Variants in LYPD6B observed in about 807,000 individuals in gnomAD.
LYPD6B encodes ly6/PLAUR domain-containing protein 6B.
LYPD6B carries 17 observed loss-of-function variants against 22.8 expected under a neutral mutation model. The observed-to-expected ratio is 0.75, with a 90% CI of 0.51 to 1.12. The LOEUF (loss-of-function observed/expected upper bound fraction) is 1.12, where lower values mean the gene tolerates loss of function less well. LYPD6B is among the 50% of genes most tolerant of loss of function. The pLI is 0.00. For missense variants in LYPD6B, 221 were observed against 258.3 expected (o/e 0.86, Z 0.99); for synonymous variants, 106 against 91.6 (o/e 1.16, Z -0.90).
At chr2:149,201,400 T>C (rs751531161) in intron 3 of LYPD6B, among the ~76,000 whole-genome samples, 20 of 152,224 alleles carry the variant, frequency 1.3e-4, no homozygotes, top group Non-Finnish European at 2.2e-4. Flanking sequence ...TAAGCTCTAT[T>C]GTGACCTTGA....
intron 2 of LYPD6B, among the ~76,000 whole-genome samples, chr2:149,153,624 A>G (rs1689510615): frequency 6.6e-6 from 1 of 152,088 alleles, no homozygotes; most frequent in South Asian, 2.1e-4. Context: ...AAATACAAAA[A>G]ATTAGCCAGG....
intron 1 of LYPD6B, among the ~76,000 whole-genome samples, chr2:149,099,437 G>GATCCTTGGTCCCCTCGTACCTAGA (rs1686084008): frequency 6.6e-6 from 1 of 151,436 alleles, no homozygotes; most frequent in African/African-American, 2.4e-5. Context: ...TTGTACCTAG[G>GATCCTTGGTCCCCTCGTACCTAGA]ATCCTTGGTC....
At chr2:149,085,332 A>G (rs532708441) in intron 1 of LYPD6B, among the ~76,000 whole-genome samples, 3 of 152,364 alleles carry the variant, frequency 2.0e-5, no homozygotes, top group Admixed American at 2.0e-4. Context: ...TTTATGTGCC[A>G]GGTCCATCTG....
chr2:149,068,085 C>A (rs1341998042), intron 1 of LYPD6B, among the ~76,000 whole-genome samples: 1 of 152,068 alleles, frequency 6.6e-6, no homozygotes, highest in Admixed American at 6.5e-5. Flanking sequence ...AAGTCTTTGC[C>A]CAAATCTCTG....
At chr2:149,165,794 A>T (rs1214292832) in intron 3 of LYPD6B, among the ~76,000 whole-genome samples, 1 of 152,208 alleles carries the variant, frequency 6.6e-6, no homozygotes, top group Non-Finnish European at 1.5e-5. Flanking sequence ...TTCTCAAGTT[A>T]ATGGAAATTA....
chr2:149,115,055 C>T (rs985292742), intron 1 of LYPD6B, among the ~76,000 whole-genome samples: 6 of 152,186 alleles, frequency 3.9e-5, no homozygotes, highest in Non-Finnish European at 8.8e-5. Context: ...TCTCCTGCCT[C>T]AGCCTCCCAA....
intron 4 of LYPD6B, 57 bp downstream of exon 4, chr2:149,205,461 G>C: frequency 2.6e-6 from 4 of 1,542,632 alleles, no homozygotes; most frequent in Non-Finnish European, 3.5e-6. Flanking sequence ...GTGTTAATAT[G>C]AAGCCCCCTT....
At chr2:149,190,350 G>C (rs946268412) in intron 3 of LYPD6B, among the ~76,000 whole-genome samples, 1 of 152,114 alleles carries the variant, frequency 6.6e-6, no homozygotes, top group African/African-American at 2.4e-5. Context: ...GTTGTTTTCA[G>C]ACATTTACTA....
chr2:149,062,860 C>CTTTTT (rs5835285), intron 1 of LYPD6B, among the ~76,000 whole-genome samples: 21 of 93,502 alleles, frequency 2.2e-4, no homozygotes, highest in South Asian at 7.4e-4. Flanking sequence ...GATACATGTT[C>CTTTTT]TTTTTTTTTT....
intron 2 of LYPD6B, among the ~76,000 whole-genome samples, chr2:149,146,963 C>T (rs1265894870): frequency 1.3e-5 from 2 of 152,192 alleles, no homozygotes; most frequent in African/African-American, 4.8e-5. Flanking sequence ...AGAATTGAAT[C>T]ACGAATACGG....
chr2:149,046,049 T>C (rs1182961076), intron 1 of LYPD6B, among the ~76,000 whole-genome samples: 1 of 152,180 alleles, frequency 6.6e-6, no homozygotes, highest in Non-Finnish European at 1.5e-5. Flanking sequence ...ACTTCTTACT[T>C]CATGTATTTT....
At chr2:149,188,444 G>A (rs1329026884) in intron 3 of LYPD6B, among the ~76,000 whole-genome samples, 1 of 152,128 alleles carries the variant, frequency 6.6e-6, no homozygotes, top group African/African-American at 2.4e-5. Flanking sequence ...CACCGAGGGT[G>A]GGGAAAAGGA....
At chr2:149,152,439 C>A (rs984395638) in intron 2 of LYPD6B, among the ~76,000 whole-genome samples, 1 of 152,112 alleles carries the variant, frequency 6.6e-6, no homozygotes, top group Non-Finnish European at 1.5e-5. Context: ...GAGTGTCAAG[C>A]GCTGCAGGCT....
At chr2:149,055,598 T>A (rs1218253848) in intron 1 of LYPD6B, among the ~76,000 whole-genome samples, 1 of 152,252 alleles carries the variant, frequency 6.6e-6, no homozygotes, top group Non-Finnish European at 1.5e-5. Flanking sequence ...GTTATGCACT[T>A]CTCTCGTTAA....
chr2:149,068,573 T>A (rs1386991137), intron 1 of LYPD6B: 1 of 347,446 alleles, frequency 2.9e-6, no homozygotes, highest in African/African-American at 2.1e-5. Context: ...TGGTTGGTTA[T>A]GTTTTCAGAA....
intron 1 of LYPD6B, among the ~76,000 whole-genome samples, chr2:149,061,454 T>C (rs2105322329): frequency 6.6e-6 from 1 of 152,330 alleles, no homozygotes; most frequent in Non-Finnish European, 1.5e-5. Context: ...TTTTGGTGGA[T>C]TCCTTGGGGT....
At chr2:149,120,900 G>A (rs953430366) in intron 1 of LYPD6B, among the ~76,000 whole-genome samples, 2 of 143,716 alleles carry the variant, frequency 1.4e-5, no homozygotes, top group South Asian at 2.3e-4. Context: ...CAGGTGATCC[G>A]CCTGCCTCAG....
chr2:149,068,778 G>A (rs1684458484), intron 1 of LYPD6B: 1 of 492,308 alleles, frequency 2.0e-6, no homozygotes, highest in Non-Finnish European at 4.1e-6. Context: ...TTTTCAGAGA[G>A]GGAATGAAAC....
chr2:149,114,032 C>T (rs1686885269), intron 1 of LYPD6B, among the ~76,000 whole-genome samples: 1 of 152,130 alleles, frequency 6.6e-6, no homozygotes, highest in Admixed American at 6.5e-5. Context: ...CTTCCTCTTT[C>T]CCTCTGAAAG....
Sources: gnomAD v4.1 joint callset for allele counts (sites outside exome capture counted in the v4.1 genomes callset) on GRCh38, gnomAD v4.1.1 for gene constraint, MANE v1.5 for transcripts, NCBI Gene and HGNC (gene_info 2026-07-23, HGNC 2026-07-21) for gene names.